LRRC4C: variants seen among roughly 807,000 people sequenced by gnomAD.
The protein encoded by LRRC4C is leucine-rich repeat-containing protein 4C.
In LRRC4C, 5 loss-of-function variants were observed where a neutral mutation model predicts 33.6. The ratio of observed to expected loss-of-function variants is 0.15; its 90% CI spans 0.08 to 0.31. The LOEUF (loss-of-function observed/expected upper bound fraction) is 0.31. Ranked by LOEUF, LRRC4C falls within the 10% of genes least tolerant of loss-of-function variation. The pLI, the probability that LRRC4C is intolerant of heterozygous loss-of-function variation, is 1.00. For synonymous variants in LRRC4C, 329 were observed against 302.0 expected (o/e 1.09, Z -0.93); for missense variants, 560 against 796.7 (o/e 0.70, Z 3.58).
chr11:41,390,283 T>A (rs1304433542), intron 1 of LRRC4C, among the ~76,000 whole-genome samples: 1 of 151,810 alleles, frequency 6.6e-6, no homozygotes, highest in Non-Finnish European at 1.5e-5. Context: ...GAGGGATAAA[T>A]CATTTAGGAG....
chr11:40,983,415 G>A (rs1852682584), intron 1 of LRRC4C, among the ~76,000 whole-genome samples: 1 of 152,120 alleles, frequency 6.6e-6, no homozygotes, highest in African/African-American at 2.4e-5. Context: ...ATAAACTTTG[G>A]AAGACAACCT....
intron 4 of LRRC4C, among the ~76,000 whole-genome samples, chr11:40,270,051 GC>G (rs1183763847): frequency 1.3e-5 from 2 of 152,120 alleles, no homozygotes; most frequent in African/African-American, 4.8e-5. Context: ...GAACCCCTAC[GC>G]CTCCCATACT....
In LRRC4C at chr11:41,138,981, T is replaced by G. The variant is rs572405140; in HGVS notation, c.-495-205258A>C. 3.3e-3 allele frequency among the ~76,000 whole-genome samples: 508 copies of G among 152,298 alleles called. 9 individuals carry two copies. The highest frequency in any genetic ancestry group is 2.1e-3 in the East Asian group (11 of 5,176). On this transcript the variant is annotated intron_variant, in intron 1 of 6. Transcript: ENST00000528697. The stretch of plus-strand genomic sequence containing the variant: ...AAGCCATGTTATGTGTAACTGAGCC[T>G]TCTTCTGATTATGTTTGGAAGCTAT...
chr11:40,332,762 C>A (rs752711219), intron 3 of LRRC4C, among the ~76,000 whole-genome samples: 2 of 152,174 alleles, frequency 1.3e-5, no homozygotes, highest in Non-Finnish European at 2.9e-5. Flanking sequence ...TCTGCCTTAT[C>A]CATGTCAATA....
At chr11:40,406,834 A>C (rs1949980702) in intron 3 of LRRC4C, among the ~76,000 whole-genome samples, 1 of 152,144 alleles carries the variant, frequency 6.6e-6, no homozygotes, top group African/African-American at 2.4e-5. Flanking sequence ...TTGTATGCTA[A>C]GGCTAGTAGC....
intron 3 of LRRC4C, among the ~76,000 whole-genome samples, chr11:40,422,341 G>C (rs1381567969): frequency 6.6e-6 from 1 of 152,124 alleles, no homozygotes; most frequent in Non-Finnish European, 1.5e-5. Flanking sequence ...ACTGGGAGAT[G>C]AATCTACCAC....
At chr11:40,218,578 C>CTATGTATG (rs71060947) in intron 5 of LRRC4C, among the ~76,000 whole-genome samples, 9 of 115,496 alleles carry the variant, frequency 7.8e-5, no homozygotes, top group African/African-American at 2.9e-4. Flanking sequence ...GATGAAGAAT[C>CTATGTATG]TATGTATGTA....
At chr11:40,727,006 A>G (rs1001096989) in intron 2 of LRRC4C, among the ~76,000 whole-genome samples, 2 of 152,190 alleles carry the variant, frequency 1.3e-5, no homozygotes, top group Non-Finnish European at 2.9e-5. Flanking sequence ...CCCATTTACA[A>G]TAGCCACAAA....
chr11:40,487,011 G>T (rs893281206), intron 3 of LRRC4C, among the ~76,000 whole-genome samples: 1 of 151,944 alleles, frequency 6.6e-6, no homozygotes, highest in Admixed American at 6.6e-5. Flanking sequence ...AGGGGAAGCC[G>T]ATAGGGTTAA....
At chr11:40,170,874 C>G (rs1255525051) in intron 5 of LRRC4C, among the ~76,000 whole-genome samples, 2 of 152,102 alleles carry the variant, frequency 1.3e-5, no homozygotes, top group African/African-American at 4.8e-5. Flanking sequence ...TGATTACAAA[C>G]TTTTGGGAGA....
At chr11:41,317,591 T>A (rs1048038503) in intron 1 of LRRC4C, among the ~76,000 whole-genome samples, 2 of 152,144 alleles carry the variant, frequency 1.3e-5, no homozygotes, top group Non-Finnish European at 2.9e-5. Context: ...TATTTTCCTA[T>A]AGTTAAACTA....
chr11:41,358,923 A>G (rs1042818306), intron 1 of LRRC4C, among the ~76,000 whole-genome samples: 5 of 152,206 alleles, frequency 3.3e-5, no homozygotes, highest in African/African-American at 4.8e-5. Flanking sequence ...CTGCATATGA[A>G]TGTTATTATA....
chr11:40,249,370 C>A (rs1433620307), intron 4 of LRRC4C, among the ~76,000 whole-genome samples: 1 of 151,626 alleles, frequency 6.6e-6, no homozygotes, highest in East Asian at 1.9e-4. Context: ...AATCTCTTGG[C>A]TGGAGTTAAA....
chr11:40,545,555 G>A (rs1036799010), intron 3 of LRRC4C, among the ~76,000 whole-genome samples: 1 of 151,970 alleles, frequency 6.6e-6, no homozygotes, highest in African/African-American at 2.4e-5. Flanking sequence ...CAGGCAAGAT[G>A]TAAGTATATT....
intron 3 of LRRC4C, among the ~76,000 whole-genome samples, chr11:40,421,312 A>G (rs569794923): frequency 1.3e-5 from 2 of 152,322 alleles, no homozygotes; most frequent in South Asian, 4.1e-4. Context: ...ATTATAGGGA[A>G]CGTTTTGCCT....
At chr11:40,220,267 G>C (rs192817855) in intron 5 of LRRC4C, among the ~76,000 whole-genome samples, 6 of 152,114 alleles carry the variant, frequency 3.9e-5, no homozygotes, top group Admixed American at 3.3e-4. Context: ...AAAGTCTGTC[G>C]ACTCCTACAC....
intron 3 of LRRC4C, among the ~76,000 whole-genome samples, chr11:40,477,629 A>G (rs1013911697): frequency 4.0e-5 from 6 of 151,554 alleles, no homozygotes; most frequent in Admixed American, 3.3e-4. Context: ...CCTTATATTG[A>G]CTACCACTTA....
At chr11:40,801,637 T>A (rs1244098220) in intron 2 of LRRC4C, among the ~76,000 whole-genome samples, 1 of 152,158 alleles carries the variant, frequency 6.6e-6, no homozygotes, top group Non-Finnish European at 1.5e-5. Context: ...CCATCTATGT[T>A]TATATCTAAT....
chr11:41,118,241 C>T (rs371670036), intron 1 of LRRC4C, among the ~76,000 whole-genome samples: 34 of 152,158 alleles, frequency 2.2e-4, no homozygotes, highest in Non-Finnish European at 1.5e-4. Flanking sequence ...TATGCACATT[C>T]GCTGCATCCA....
Sources: allele counts gnomAD v4.1 joint callset (sites outside exome capture counted in the v4.1 genomes callset), GRCh38; gene constraint gnomAD v4.1.1; transcripts MANE v1.5; gene names NCBI Gene and HGNC (gene_info 2026-07-23, HGNC 2026-07-21).